PRKN: variants seen among roughly 807,000 people sequenced by gnomAD.
The protein encoded by PRKN is E3 ubiquitin-protein ligase parkin.
PRKN carries 56 observed loss-of-function variants against 59.5 expected under a neutral mutation model. The observed-to-expected ratio is 0.94, with a 90% confidence interval of 0.76 to 1.18. PRKN has a LOEUF of 1.18. Among genes scored for constraint, PRKN ranks in the 50% most tolerant of loss-of-function variants. PRKN has a pLI of 0.00. For synonymous variants in PRKN, 250 were observed against 222.1 expected, an observed-to-expected ratio of 1.13 and a Z score of -1.12; for missense variants, 657 against 596.4, an observed-to-expected ratio of 1.10 and a Z score of -1.06.
intron 7 of PRKN, among the ~76,000 whole-genome samples, chr6:161,608,122 C>T (rs1021923546): frequency 2.0e-5 from 3 of 152,080 alleles, no homozygotes; most frequent in Non-Finnish European, 4.4e-5. Flanking sequence ...GCTGGAGGGT[C>T]CTGACAGCCT....
chr6:162,506,251 CA>C (rs10528135), intron 1 of PRKN, among the ~76,000 whole-genome samples: 1,876 of 95,250 alleles, frequency 0.02, 11 homozygotes, highest in African/African-American at 0.044. Flanking sequence ...AAAGAGGAAG[CA>C]AAAAAAAAAA....
intron 7 of PRKN, among the ~76,000 whole-genome samples, chr6:161,621,510 T>C (rs1430204683): frequency 1.3e-5 from 2 of 151,924 alleles, no homozygotes; most frequent in African/African-American, 4.8e-5. Flanking sequence ...ACTAATTTGT[T>C]TTCCTTTGTT....
At chr6:162,310,523 G>C (rs1324254330) in intron 2 of PRKN, among the ~76,000 whole-genome samples, 1 of 152,036 alleles carries the variant, frequency 6.6e-6, no homozygotes, top group Non-Finnish European at 1.5e-5. Context: ...TTTTCTGCCT[G>C]GGGCATTCTG....
intron 7 of PRKN, among the ~76,000 whole-genome samples, chr6:161,720,764 CTA>C (rs1490187675): frequency 2.9e-5 from 3 of 101,764 alleles, no homozygotes; most frequent in Non-Finnish European, 3.5e-5. Flanking sequence ...ACTTTTAAAA[CTA>C]TTTTTTTTTT....
intron 7 of PRKN, among the ~76,000 whole-genome samples, chr6:161,750,589 G>A (rs1270487626): frequency 6.6e-6 from 1 of 151,906 alleles, no homozygotes; most frequent in Non-Finnish European, 1.5e-5. Context: ...CCAACATGGT[G>A]AAAACCCGTC....
intron 1 of PRKN, among the ~76,000 whole-genome samples, chr6:162,512,359 T>C (rs1777665482): frequency 1.3e-5 from 2 of 152,208 alleles, no homozygotes; most frequent in Non-Finnish European, 2.9e-5. Context: ...TGAAGATTGC[T>C]TGGTGCTTAT....
intron 4 of PRKN, among the ~76,000 whole-genome samples, chr6:162,159,669 C>T (rs767291350): frequency 5.9e-5 from 9 of 152,084 alleles, no homozygotes; most frequent in Non-Finnish European, 1.0e-4. Context: ...AAAAAGAAAA[C>T]AAAGTTGGAG....
intron 6 of PRKN, among the ~76,000 whole-genome samples, chr6:161,941,069 G>A (rs980257743): frequency 2.4e-4 from 36 of 152,350 alleles, no homozygotes; most frequent in African/African-American, 8.4e-4. Flanking sequence ...GGTGGGGAAG[G>A]GAAGTGCTGG....
chr6:162,169,756 A>C (rs1002701989), intron 4 of PRKN, among the ~76,000 whole-genome samples: 12 of 152,198 alleles, frequency 7.9e-5, no homozygotes, highest in Non-Finnish European at 1.3e-4. Context: ...ATTTGCTCCC[A>C]AAAAATATTA....
intron 1 of PRKN, among the ~76,000 whole-genome samples, chr6:162,597,315 A>G (rs2128215751): frequency 6.6e-6 from 1 of 152,244 alleles, no homozygotes; most frequent in Non-Finnish European, 1.5e-5. Context: ...CTATTTTCCT[A>G]TTCTCCAGGA....
chr6:161,532,156 CTCTCTCTCTCTATATA>C (rs1562508698), intron 9 of PRKN, among the ~76,000 whole-genome samples: 2 of 56,350 alleles, frequency 3.5e-5, no homozygotes, highest in Admixed American at 2.0e-4. Flanking sequence ...CTCTCTCTCT[CTCTCTCTCTCTATATA>C]TATATATATA....
Position 161,444,118 on chromosome 6 carries a change from G to A in PRKN, c.1084-57241C>T, listed in dbSNP as rs1789379157. ...TCTGGAGCTTCTGGCTCCTGGACTG[G>A]GGGACTGGGAATCGGCCAGGCCAGG... On this transcript the variant is annotated intron_variant, in intron 9 of 11. Transcript: ENST00000366898. This position sits in a 1 kb window ranked among gnomAD's most constrained non-coding sequence, Gnocchi z 5.6. Among the ~76,000 whole-genome samples, 1 of 152,188 alleles carries A rather than the reference G, an allele frequency of 6.6e-6. No individual in the cohort carries two copies. Among genetic ancestry groups the A allele is most frequent in the South Asian group, 2.1e-4 (1 of 4,832 alleles).
chr6:161,506,718 G>A (rs184081938), intron 9 of PRKN, among the ~76,000 whole-genome samples: 4 of 152,328 alleles, frequency 2.6e-5, no homozygotes, highest in South Asian at 2.1e-4. Flanking sequence ...CACACAGCCA[G>A]TGCTCAATAA....
At chr6:162,665,287 T>C (rs1364830859) in intron 1 of PRKN, among the ~76,000 whole-genome samples, 1 of 152,076 alleles carries the variant, frequency 6.6e-6, no homozygotes, top group East Asian at 1.9e-4. Flanking sequence ...GAAAACCCCA[T>C]TATCTCAGCC....
intron 3 of PRKN, among the ~76,000 whole-genome samples, chr6:162,236,025 C>A (rs183729810): frequency 8.9e-6 from 1 of 112,992 alleles, no homozygotes; most frequent in African/African-American, 3.4e-5. Context: ...AAGAAAGAAA[C>A]TCCTCACCCT....
At chr6:161,837,407 A>G (rs1298357764) in intron 6 of PRKN, among the ~76,000 whole-genome samples, 2 of 152,234 alleles carry the variant, frequency 1.3e-5, no homozygotes, top group Non-Finnish European at 2.9e-5. Flanking sequence ...ACTTACAGTG[A>G]GACTGAGATT....
chr6:161,869,107 G>C (rs554866367), intron 6 of PRKN, among the ~76,000 whole-genome samples: 13 of 152,264 alleles, frequency 8.5e-5, no homozygotes, highest in African/African-American at 3.1e-4. Context: ...AGCTGGGCGC[G>C]ATGGCTTATG....
At chr6:162,344,725 A>G (rs991621396) in intron 2 of PRKN, among the ~76,000 whole-genome samples, 2 of 151,824 alleles carry the variant, frequency 1.3e-5, no homozygotes, top group African/African-American at 4.8e-5. Flanking sequence ...GACAGATAGT[A>G]CCTGTCACTG....
chr6:162,372,889 A>G (rs1785849951), intron 2 of PRKN, among the ~76,000 whole-genome samples: 1 of 152,200 alleles, frequency 6.6e-6, no homozygotes, highest in Non-Finnish European at 1.5e-5. Context: ...CAGTGGAGAA[A>G]AAGACTGAGT....
Sources: allele counts gnomAD v4.1 joint callset (sites outside exome capture counted in the v4.1 genomes callset), GRCh38; gene constraint gnomAD v4.1.1; non-coding constraint Gnocchi (gnomAD v3.1); transcripts MANE v1.5; gene names NCBI Gene and HGNC (gene_info 2026-07-23, HGNC 2026-07-21).